The following OR51A7 variants were observed in gnomAD, a reference collection of about 807,000 sequenced individuals.
The protein encoded by OR51A7 is olfactory receptor family 51 subfamily A member 7, also known as olfactory receptor 51A7.
For synonymous variants in OR51A7, 143 were observed against 135.5 expected, an observed-to-expected ratio of 1.05 and a Z score of -0.38; for missense variants, 409 against 374.5, an observed-to-expected ratio of 1.09 and a Z score of -0.76.
At chr11:4,906,134 T>C (rs924024657) in intron 1 of OR51A7, among the ~76,000 whole-genome samples, 5 of 152,176 alleles carry the variant, frequency 3.3e-5, no homozygotes, top group African/African-American at 9.6e-5. Flanking sequence ...GTGTGAACCA[T>C]AAGTGTTTAA....
At position 4,907,441 on chromosome 11, in the gene OR51A7, C is replaced by T. The variant is rs747337329; in HGVS notation, c.72C>T (p.His24=). Residue 24 remains histidine, a synonymous_variant, in exon 2 of 2, where the codon CAC becomes CAT. Coordinates refer to ENST00000641490, the MANE Select transcript of OR51A7 (RefSeq NM_001004749.2). ...GGATCCCAGGACTGGAACATGCCCACATTTGGTTCTCCATCCCCATTTGCC... is the reference window on the plus strand; with the variant it reads ...GGATCCCAGGACTGGAACATGCCCATATTTGGTTCTCCATCCCCATTTGCC... The part of the protein sequence containing the change: ...LIGIPGLEHA[H]IWFSIPICLM... The T allele has an allele frequency of 1.2e-6, 2 of 1,614,008 alleles. No individual in the cohort carries two copies. The highest frequency in any genetic ancestry group is 1.7e-6 in the Non-Finnish European group (2 of 1,179,980).
At chr11:4,906,557 A>C (rs1480237309) in intron 1 of OR51A7, among the ~76,000 whole-genome samples, 2 of 152,206 alleles carry the variant, frequency 1.3e-5, no homozygotes, top group East Asian at 3.8e-4. Flanking sequence ...TAGTCTATAA[A>C]TGTATTTACT....
intron 1 of OR51A7, among the ~76,000 whole-genome samples, chr11:4,904,678 T>C (rs961984859): frequency 1.3e-5 from 2 of 152,132 alleles, no homozygotes; most frequent in Non-Finnish European, 2.9e-5. Flanking sequence ...TCCAAATGCA[T>C]GCTCTGTGTA....
At chr11:4,906,221 C>T (rs1459922995) in intron 1 of OR51A7, among the ~76,000 whole-genome samples, 1 of 152,190 alleles carries the variant, frequency 6.6e-6, no homozygotes, top group Admixed American at 6.5e-5. Context: ...TACTTATCCA[C>T]TGCTCCATTT....
intron 1 of OR51A7, 144 bp downstream of exon 1, chr11:4,903,988 C>T (rs937692161): frequency 6.6e-6 from 1 of 151,976 alleles, no homozygotes; most frequent in African/African-American, 2.4e-5. Flanking sequence ...TTTTCTAATG[C>T]CCTAATATCA....
rs1482708358 is a variant in OR51A7 at position 4,903,813 on chromosome 11, G to T, written c.-63G>T. The T allele has an allele frequency of 6.6e-6, 1 of 152,092 alleles. No individual in the cohort carries two copies. The highest frequency in any genetic ancestry group is 1.5e-5 in the Non-Finnish European group (1 of 67,944). 9.4% of individuals were successfully genotyped at this position (152,092 alleles called of 1,614,324 possible). A position where few individuals can be genotyped will look rare whatever the true frequency, so the allele number is the denominator to read the frequency against. On this transcript the variant is annotated 5_prime_UTR_variant, in exon 1 of 2. Coordinates refer to ENST00000641490, the MANE Select transcript of OR51A7 (RefSeq NM_001004749.2). ...CATCTGGTTCTGGTAAGGTTAAGGA[G>T]CTATAAATCCTTTTGGAAACCTAAA... is the stretch of plus-strand genomic sequence containing the variant.
intron 1 of OR51A7, 124 bp from the exon 2 acceptor site, chr11:4,907,215 T>C: frequency 1.8e-6 from 1 of 561,304 alleles, no homozygotes; most frequent in Non-Finnish European, 3.2e-6. Context: ...CTGGTAAATT[T>C]TGAAGAGTGC....
chr11:4,907,562 A>G lies in OR51A7; in HGVS notation c.193A>G (p.Met65Val). The G allele has an allele frequency of 6.2e-7, 1 of 1,613,974 alleles. No individual in the cohort carries two copies. Among genetic ancestry groups the G allele is most frequent in the Non-Finnish European group, 8.5e-7 (1 of 1,179,970 alleles). ...TGAGCCCATGTATTATTTCCTTGCC[A>G]TGTTGGCTGTCTCTGACATGGGCCT... ...LHEPMYYFLA[M>V]LAVSDMGLSL... The change falls in exon 2 of 2, where the codon ATG (methionine) becomes GTG (valine). Residue 65 changes from methionine (M) to valine (V), a missense_variant. Transcript: ENST00000641490.
In OR51A7 at chr11:4,908,050, T is replaced by G; in HGVS notation, c.681T>G (p.Ile227Met). 1 of 1,614,176 alleles carries G rather than the reference T, an allele frequency of 6.2e-7. No homozygotes were observed. Among genetic ancestry groups the G allele is most frequent in the Non-Finnish European group, 8.5e-7 (1 of 1,180,010 alleles). The part of the protein sequence containing the change: ...YVLILKTILS[I>M]ASLAERLKAL... ...TGATCTTGAAGACTATACTCAGCAT[T>G]GCATCTTTGGCAGAGAGGCTTAAGG... Residue 227 changes from isoleucine (I) to methionine (M), a missense_variant, in exon 2 of 2, where the codon ATT becomes ATG. Physicochemically the swap from Ile to Met is conservative, Grantham distance 10 (BLOSUM62 1). Coordinates refer to ENST00000641490, the MANE Select transcript of OR51A7 (RefSeq NM_001004749.2).
rs1490366311 is a variant in OR51A7, at chr11:4,909,232, T to C, written c.*924T>C. The C allele has an allele frequency of 6.6e-6, 1 of 152,170 alleles. No homozygotes were observed. Among genetic ancestry groups the C allele is most frequent in the Admixed American group, 6.6e-5 (1 of 15,262 alleles). The allele number at this position is 152,170 out of a possible 1,614,324, so 9.4% of individuals were successfully genotyped here. ...CCACAATAATTTTCACTAAAATTTATATTTTAAACTTTTTTTCTCATGTAT... is the reference window on the plus strand; with the variant it reads ...CCACAATAATTTTCACTAAAATTTACATTTTAAACTTTTTTTCTCATGTAT... On this transcript the variant is annotated 3_prime_UTR_variant, in exon 2 of 2. Transcript: ENST00000641490.
chr11:4,906,011 TTAAA>T (rs1850882137), intron 1 of OR51A7, among the ~76,000 whole-genome samples: 1 of 152,172 alleles, frequency 6.6e-6, no homozygotes, highest in South Asian at 2.1e-4. Context: ...CTCTGACTAA[TTAAA>T]TACAGAGATA....
chr11:4,907,217 G>T, intron 1 of OR51A7, 122 bp from the exon 2 acceptor site: 1 of 545,382 alleles, frequency 1.8e-6, no homozygotes, highest in South Asian at 2.7e-5. Flanking sequence ...GGTAAATTTT[G>T]AAGAGTGCAG....
intron 1 of OR51A7, among the ~76,000 whole-genome samples, chr11:4,905,938 G>A (rs1850880990): frequency 6.6e-6 from 1 of 151,990 alleles, no homozygotes; most frequent in Admixed American, 6.6e-5. Context: ...ACAGAAATTG[G>A]GTGGTTTGGA....
At position 4,908,007 on chromosome 11, in the gene OR51A7, T is replaced by C. The variant is rs1462079074; in HGVS notation, c.638T>C (p.Ile213Thr). 3.7e-6 allele frequency: 6 copies of C among 1,614,220 alleles called. No individual in the cohort carries two copies. Among genetic ancestry groups the C allele is most frequent in the Non-Finnish European group, 5.1e-6 (6 of 1,180,038 alleles). Residue 213 changes from isoleucine to threonine, a missense_variant, in exon 2 of 2, where the codon ATT becomes ACT. By Grantham distance (89) the Ile-to-Thr change is moderately conservative. Transcript: ENST00000641490. ...ALCTMLDLAL[I>T]VLSYVLILKT... ...TGTACTATGCTGGACTTGGCACTGA[T>C]TGTTTTGTCTTATGTGCTGATCTTG...
intron 1 of OR51A7, among the ~76,000 whole-genome samples, chr11:4,907,095 TAA>T (rs3065178): frequency 0.014 from 793 of 55,118 alleles, 43 homozygotes; most frequent in African/African-American, 0.046. Context: ...AAACTCCCTC[TAA>T]AAAAAAAAAA....
At position 4,905,284 on chromosome 11, in the gene OR51A7, G is replaced by A. The variant is rs1034698655; in HGVS notation, c.-32+1440G>A. Among the ~76,000 whole-genome samples, 3 of 152,122 alleles carry A rather than the reference G, an allele frequency of 2.0e-5. No individual in the cohort carries two copies. The South Asian group carries it at 6.2e-4, about 31-fold the overall frequency. ...TTCACTACCATGGTGGGAGATTAAT[G>A]AGTCATGCTCAAACTGTTCAAGGCC... On this transcript the variant is annotated intron_variant, in intron 1 of 1. Transcript: ENST00000641490.
Position 4,907,559 on chromosome 11 carries a change from G to C in OR51A7, c.190G>C (p.Ala64Pro), listed in dbSNP as rs1365322038. 3.1e-6 allele frequency: 5 copies of C among 1,613,802 alleles called. No homozygotes were observed. The highest frequency in any genetic ancestry group is 3.3e-5 in the Admixed American group (2 of 59,976). The change falls in exon 2 of 2, where the codon GCC becomes CCC. Residue 64 changes from alanine (A) to proline (P), a missense_variant. Coordinates refer to ENST00000641490, the MANE Select transcript of OR51A7 (RefSeq NM_001004749.2). ...TCATGAGCCCATGTATTATTTCCTTGCCATGTTGGCTGTCTCTGACATGGG... is the reference window on the plus strand; with the variant it reads ...TCATGAGCCCATGTATTATTTCCTTCCCATGTTGGCTGTCTCTGACATGGG... ...SLHEPMYYFLAMLAVSDMGLS... is the reference protein window; with the variant it reads ...SLHEPMYYFLPMLAVSDMGLS...
Position 4,908,149 on chromosome 11 carries a change from G to A in OR51A7, c.780G>A (p.Met260Ile). The change falls in exon 2 of 2, where the codon ATG becomes ATA. Residue 260 changes from methionine (M) to isoleucine (I), a missense_variant. By Grantham distance (10) the Met-to-Ile change is conservative (BLOSUM62 1). Coordinates refer to ENST00000641490, the MANE Select transcript of OR51A7 (RefSeq NM_001004749.2). Reference sequence around the variant, plus strand: ...TGCCCATCATCACCCTGGCTGCCATGCATCACTTTGCCAAGCACAAAAGCC... The same window carrying A: ...TGCCCATCATCACCCTGGCTGCCATACATCACTTTGCCAAGCACAAAAGCC... ...FYVPIITLAA[M>I]HHFAKHKSPL... 1 of 1,614,184 alleles carries A rather than the reference G, an allele frequency of 6.2e-7. No individual in the cohort carries two copies. Among genetic ancestry groups the A allele is most frequent in the Non-Finnish European group, 8.5e-7 (1 of 1,180,016 alleles).
At chr11:4,904,920 A>G (rs1850860225) in intron 1 of OR51A7, among the ~76,000 whole-genome samples, 1 of 152,106 alleles carries the variant, frequency 6.6e-6, no homozygotes, top group South Asian at 2.1e-4. Context: ...TTTAACATGG[A>G]GTAGTCAATG....
Sources: gnomAD v4.1 joint callset for allele counts (sites outside exome capture counted in the v4.1 genomes callset) on GRCh38, gnomAD v4.1.1 for gene constraint, MANE v1.5 for transcripts, NCBI Gene and HGNC (gene_info 2026-07-23, HGNC 2026-07-21) for gene names.